The following SYBU variants were observed in gnomAD, a reference collection of about 807,000 sequenced individuals.
The protein encoded by SYBU is GOLSYN A protein.
In SYBU, 21 loss-of-function variants were observed where a neutral mutation model predicts 35.9. The observed-to-expected ratio is 0.58, with a 90% CI of 0.41 to 0.84. SYBU has a LOEUF of 0.84. Among genes scored for constraint, SYBU ranks in the 40% least tolerant of loss-of-function variants. The pLI is 0.00. For synonymous variants in SYBU, 319 were observed against 324.3 expected, an observed-to-expected ratio of 0.98 and a Z score of 0.18; for missense variants, 768 against 848.2, an observed-to-expected ratio of 0.91 and a Z score of 1.17.
chr8:109,583,993 T>C (rs528176872), intron 4 of SYBU, among the ~76,000 whole-genome samples: 2 of 151,840 alleles, frequency 1.3e-5, no homozygotes, highest in South Asian at 2.1e-4. Flanking sequence ...TTTTTTTGTA[T>C]TTTTAGTAGA....
intron 3 of SYBU, among the ~76,000 whole-genome samples, chr8:109,609,908 A>C (rs2130212603): frequency 1.3e-5 from 2 of 152,230 alleles, no homozygotes; most frequent in African/African-American, 4.8e-5. Flanking sequence ...TCTTGCTTCC[A>C]GTTTCACCTC....
intron 4 of SYBU, among the ~76,000 whole-genome samples, chr8:109,581,562 G>A (rs1823035762): frequency 6.6e-6 from 1 of 152,170 alleles, no homozygotes; most frequent in Non-Finnish European, 1.5e-5. Context: ...TACTTAAACA[G>A]GATAAAGTTC....
At chr8:109,671,931 C>A (rs554635722) in intron 1 of SYBU, among the ~76,000 whole-genome samples, 7 of 152,156 alleles carry the variant, frequency 4.6e-5, no homozygotes, top group African/African-American at 1.7e-4. Context: ...GATGGAGTTT[C>A]GCTCTTGTTG....
chr8:109,645,093 C>CT (rs113779271), upstream of SYBU: 29,518 of 380,076 alleles, frequency 0.078, 3,127 homozygotes, highest in African/African-American at 0.38. Flanking sequence ...ACCCCACCCT[C>CT]TTTTTTTTTT....
intron 1 of SYBU, chr8:109,643,155 A>G: frequency 8.5e-7 from 1 of 1,170,330 alleles, no homozygotes; most frequent in Non-Finnish European, 1.1e-6. Context: ...TGGCACACAC[A>G]CACACACACA....
upstream of SYBU, chr8:109,645,231 T>TCAG (rs1258138301): frequency 4.4e-6 from 2 of 456,504 alleles, no homozygotes; most frequent in Non-Finnish European, 8.8e-6. Context: ...AGGTCTTAAG[T>TCAG]CAGCCTACAG....
chr8:109,689,728 G>C (rs1397026195), intron 1 of SYBU, among the ~76,000 whole-genome samples: 3 of 149,944 alleles, frequency 2.0e-5, no homozygotes, highest in Admixed American at 1.3e-4. Flanking sequence ...TACACTTTTA[G>C]TGTCACATTC....
chr8:109,663,809 C>G (rs1181532236), intron 1 of SYBU, among the ~76,000 whole-genome samples: 3 of 151,948 alleles, frequency 2.0e-5, no homozygotes, highest in Non-Finnish European at 4.4e-5. Flanking sequence ...CTTATTGTTT[C>G]TGATGCTATT....
At chr8:109,599,273 G>A (rs1403945432) in intron 3 of SYBU, among the ~76,000 whole-genome samples, 1 of 152,194 alleles carries the variant, frequency 6.6e-6, no homozygotes, top group Non-Finnish European at 1.5e-5. Flanking sequence ...TAATAGGATT[G>A]AATCTTCATT....
At chr8:109,635,439 AT>A (rs1814117190) in intron 2 of SYBU, among the ~76,000 whole-genome samples, 1 of 151,620 alleles carries the variant, frequency 6.6e-6, no homozygotes, top group Non-Finnish European at 1.5e-5. Context: ...TAGTCCTCTA[AT>A]TTTCTTCCCC....
chr8:109,686,144 C>A (rs1330973358), intron 1 of SYBU, among the ~76,000 whole-genome samples: 1 of 144,638 alleles, frequency 6.9e-6, no homozygotes, highest in Non-Finnish European at 1.5e-5. Flanking sequence ...GAAGAAATGC[C>A]TTTTTTTTTT....
chr8:109,574,934 C>T lies in SYBU; in HGVS notation c.1964G>A (p.Arg655His), dbSNP rs1563664728. ...GCCVVALHSL[R>H]RTAFRIKT is the part of the protein sequence containing the mutation. ...GGTTTTGATACGGAAGGCGGTGCGG[C>T]GGAGCGAATGCAGGGCAACCACGCA... Residue 655 changes from arginine to histidine, a missense_variant, in exon 7 of 7, where the codon CGC becomes CAC. Coordinates refer to ENST00000276646, the MANE Select transcript of SYBU (RefSeq NM_001099754.2). 2 of 1,515,982 alleles carry T rather than the reference C, an allele frequency of 1.3e-6. No individual in the cohort carries two copies. The highest frequency in any genetic ancestry group is 2.7e-5 in the South Asian group (2 of 74,958). 93.9% of individuals were successfully genotyped at this position (1,515,982 alleles called of 1,614,324 possible). A position where few individuals can be genotyped will look rare whatever the true frequency, so the allele number is the denominator to read the frequency against.
chr8:109,668,162 G>GA (rs1554628106), intron 1 of SYBU, among the ~76,000 whole-genome samples: 1 of 101,512 alleles, frequency 9.9e-6, no homozygotes, highest in Non-Finnish European at 2.0e-5. Flanking sequence ...GAGGGGGAGA[G>GA]GGGGAGAGAG....
chr8:109,604,994 T>G (rs1825923529), intron 3 of SYBU, among the ~76,000 whole-genome samples: 1 of 152,138 alleles, frequency 6.6e-6, no homozygotes, highest in Non-Finnish European at 1.5e-5. Context: ...CTGAATAATG[T>G]TGCTGCCATG....
At chr8:109,690,821 A>C (rs572939980) in intron 1 of SYBU, among the ~76,000 whole-genome samples, 1 of 152,280 alleles carries the variant, frequency 6.6e-6, no homozygotes, top group South Asian at 2.1e-4. Context: ...CTCACCTGGA[A>C]TAGTCTTTAA....
chr8:109,632,973 A>G (rs531576599), intron 2 of SYBU, among the ~76,000 whole-genome samples: 1 of 152,356 alleles, frequency 6.6e-6, no homozygotes. Context: ...CTTGCACACA[A>G]TAAGTATTCA....
intron 1 of SYBU, among the ~76,000 whole-genome samples, chr8:109,652,681 T>G (rs1816199064): frequency 6.6e-6 from 1 of 152,214 alleles, no homozygotes; most frequent in Admixed American, 6.5e-5. Flanking sequence ...GCCTGAAACG[T>G]AATAAGGGTT....
intron 2 of SYBU, among the ~76,000 whole-genome samples, chr8:109,630,175 A>G: frequency 6.6e-6 from 1 of 150,934 alleles, no homozygotes; most frequent in East Asian, 2.0e-4. Context: ...TCGCAAGAAC[A>G]AAAAACCAAA....
intron 1 of SYBU, among the ~76,000 whole-genome samples, chr8:109,686,180 G>A (rs2130789527): frequency 6.7e-6 from 1 of 149,936 alleles, no homozygotes; most frequent in African/African-American, 2.5e-5. Flanking sequence ...ATTCTGTAGT[G>A]AGGTCACTGA....
Sources: gnomAD v4.1 joint callset for allele counts (sites outside exome capture counted in the v4.1 genomes callset) on GRCh38, gnomAD v4.1.1 for gene constraint, MANE v1.5 for transcripts, NCBI Gene and HGNC (gene_info 2026-07-23, HGNC 2026-07-21) for gene names.